The following SMIM36 variants were observed in gnomAD, a reference collection of about 807,000 sequenced individuals.
The protein encoded by SMIM36 is small integral membrane protein 36.
chr17:55,488,840 G>A (rs1264094093), intron 1 of SMIM36, among the ~76,000 whole-genome samples: 2 of 151,870 alleles, frequency 1.3e-5, no homozygotes, highest in Non-Finnish European at 2.9e-5. Context: ...CTGATCAAAC[G>A]GCCCTATAAC....
At chr17:55,501,290 T>TC (rs1472544294) in intron 1 of SMIM36, among the ~76,000 whole-genome samples, 2 of 71,802 alleles carry the variant, frequency 2.8e-5, no homozygotes, top group Admixed American at 2.5e-4. Context: ...TATATTATAT[T>TC]TTATAATATA....
chr17:55,498,279 A>G (rs1424073503), intron 1 of SMIM36, among the ~76,000 whole-genome samples: 1 of 152,206 alleles, frequency 6.6e-6, no homozygotes, highest in African/African-American at 2.4e-5. Flanking sequence ...ATCCTGAGGT[A>G]CAGGGTAAGG....
chr17:55,495,150 A>G (rs549104723), intron 1 of SMIM36, among the ~76,000 whole-genome samples: 1 of 152,326 alleles, frequency 6.6e-6, no homozygotes, highest in East Asian at 1.9e-4. Context: ...GTCTGTAGGT[A>G]TATCCAATTC....
the SMIM36 span, among the ~76,000 whole-genome samples, chr17:55,527,451 C>T: frequency 6.6e-6 from 1 of 152,172 alleles, no homozygotes; most frequent in African/African-American, 2.4e-5. Flanking sequence ...GCGCAATCCA[C>T]TGATTTTATG....
chr17:55,517,082 G>GTCTCA, the SMIM36 span, among the ~76,000 whole-genome samples: 3 of 152,218 alleles, frequency 2.0e-5, no homozygotes, highest in Non-Finnish European at 4.4e-5. Flanking sequence ...TCCTGGAGAA[G>GTCTCA]TCTCATGCCC....
intron 3 of SMIM36, among the ~76,000 whole-genome samples, chr17:55,468,850 C>T (rs1046134589): frequency 6.6e-6 from 1 of 152,114 alleles, no homozygotes; most frequent in African/African-American, 2.4e-5. Context: ...CCGCTTGGCC[C>T]CAATACAAAC....
At chr17:55,500,645 T>A (rs1468835201) in intron 1 of SMIM36, among the ~76,000 whole-genome samples, 4 of 150,234 alleles carry the variant, frequency 2.7e-5, no homozygotes, top group Non-Finnish European at 5.9e-5. Flanking sequence ...AAATGTTCAA[T>A]GCATCTAATA....
intron 3 of SMIM36, among the ~76,000 whole-genome samples, chr17:55,472,560 T>C (rs558002833): frequency 1.9e-4 from 29 of 152,246 alleles, no homozygotes; most frequent in African/African-American, 6.7e-4. Context: ...AGAAACCTAC[T>C]GATCTTATTG....
intron 1 of SMIM36, among the ~76,000 whole-genome samples, chr17:55,490,541 A>G (rs1486235262): frequency 6.6e-6 from 1 of 152,190 alleles, no homozygotes; most frequent in African/African-American, 2.4e-5. Context: ...AGGAGAGCAT[A>G]TGATATGGTC....
At chr17:55,501,828 T>C (rs1909988722) in intron 1 of SMIM36, among the ~76,000 whole-genome samples, 1 of 150,690 alleles carries the variant, frequency 6.6e-6, no homozygotes, top group African/African-American at 2.4e-5. Flanking sequence ...CGGGTTCATC[T>C]CACTAGGGAG....
the SMIM36 span, among the ~76,000 whole-genome samples, chr17:55,519,666 A>G: frequency 2.1e-5 from 3 of 145,356 alleles, no homozygotes; most frequent in Non-Finnish European, 4.7e-5. Context: ...GAGGGAAGAG[A>G]ATGAGGTGAG....
chr17:55,497,256 A>G (rs1216776211), intron 1 of SMIM36, among the ~76,000 whole-genome samples: 2 of 151,676 alleles, frequency 1.3e-5, no homozygotes, highest in African/African-American at 4.8e-5. Flanking sequence ...CTACCTTCTT[A>G]TTTATTTATT....
intron 3 of SMIM36, among the ~76,000 whole-genome samples, 159 bp downstream of exon 3, chr17:55,478,603 A>C (rs973034087): frequency 6.6e-6 from 1 of 152,180 alleles, no homozygotes; most frequent in African/African-American, 2.4e-5. Context: ...AGTCAAACTC[A>C]AGAGGATAGA....
chr17:55,479,787 C>A (rs1369653535), intron 1 of SMIM36, among the ~76,000 whole-genome samples: 1 of 152,054 alleles, frequency 6.6e-6, no homozygotes, highest in Non-Finnish European at 1.5e-5. Flanking sequence ...CATCTTAGAG[C>A]CGTTGTGAGT....
chr17:55,473,014 C>G (rs1441327478), intron 3 of SMIM36, among the ~76,000 whole-genome samples: 1 of 152,194 alleles, frequency 6.6e-6, no homozygotes, highest in Non-Finnish European at 1.5e-5. Context: ...ATCACTCTCA[C>G]CTACTCTTCT....
intron 4 of SMIM36, among the ~76,000 whole-genome samples, chr17:55,451,043 C>T (rs767894464): frequency 2.6e-5 from 4 of 152,138 alleles, no homozygotes; most frequent in African/African-American, 4.8e-5. Context: ...TGCGCCACCA[C>T]GCCTGGCTAA....
chr17:55,510,758 T>C (rs2144724937), intron 1 of SMIM36, 121 bp downstream of exon 1: 1 of 213,310 alleles, frequency 4.7e-6, no homozygotes, highest in African/African-American at 2.3e-5. Context: ...AGTCATTCTC[T>C]CCTGTGAGTT....
chr17:55,485,452 ATTT>A (rs371128057), intron 1 of SMIM36, among the ~76,000 whole-genome samples: 2 of 144,312 alleles, frequency 1.4e-5, no homozygotes, highest in East Asian at 2.0e-4. Flanking sequence ...TACCCTGCTG[ATTT>A]TTTTTTTTTT....
chr17:55,510,500 G>T (rs1910161111), intron 1 of SMIM36, among the ~76,000 whole-genome samples: 1 of 152,172 alleles, frequency 6.6e-6, no homozygotes. Flanking sequence ...GGAGGCTGAA[G>T]TGGGAAGGTT....
Sources: gnomAD v4.1 joint callset for allele counts (sites outside exome capture counted in the v4.1 genomes callset) on GRCh38, gnomAD v4.1.1 for gene constraint, MANE v1.5 for transcripts, NCBI Gene and HGNC (gene_info 2026-07-23, HGNC 2026-07-21) for gene names.